AGAP1: variants seen among roughly 807,000 people sequenced by gnomAD.
The protein encoded by AGAP1 is ArfGAP with GTPase domain, ankyrin repeat and PH domain 1.
A neutral mutation model predicts 105.3 loss-of-function variants in AGAP1; 29 were observed. That is an observed-to-expected ratio of 0.28 (90% CI 0.21 to 0.38). AGAP1 has a LOEUF of 0.38. Ranked by LOEUF, AGAP1 falls within the 10% of genes least tolerant of loss-of-function variation. The probability of loss-of-function intolerance (pLI) is 1.00; values close to 1 mark genes in which losing one functional copy is unlikely to be tolerated. For missense variants in AGAP1, 998 were observed against 1,165.1 expected (o/e 0.86, Z 2.09); for synonymous variants, 509 against 485.9 (o/e 1.05, Z -0.63).
intron 9 of AGAP1, among the ~76,000 whole-genome samples, chr2:235,858,592 A>T (rs1014512286): frequency 2.0e-5 from 3 of 150,810 alleles, no homozygotes; most frequent in African/African-American, 7.4e-5. Flanking sequence ...GAGAGATGAT[A>T]AAAAAAAATA....
chr2:235,713,335 C>T (rs947809987), intron 2 of AGAP1, among the ~76,000 whole-genome samples: 2 of 152,164 alleles, frequency 1.3e-5, no homozygotes, highest in African/African-American at 4.8e-5. Flanking sequence ...AAAAGATGTA[C>T]GTCGGATTAG....
In AGAP1 at chr2:236,000,196, A is replaced by G. The variant is rs1297853794; in HGVS notation, c.1645+31573A>G. Among the ~76,000 whole-genome samples, 1 of 152,262 alleles carries G rather than the reference A, an allele frequency of 6.6e-6. No homozygotes were observed. The highest frequency in any genetic ancestry group is 6.5e-5 in the Admixed American group (1 of 15,300). On this transcript the variant is annotated intron_variant, in intron 13 of 17. Transcript: ENST00000304032. The surrounding 1 kb of genome is among the most constrained non-coding windows in gnomAD (Gnocchi z 4.3). ...TTGTTATTTTTGTCTTTCCAATTAC[A>G]CTAACTCCTCACTCAATGTCATTCA...
In AGAP1 at chr2:235,855,196, G is replaced by A. The variant is rs2048636123; in HGVS notation, c.1051-28149G>A. 6.6e-6 allele frequency among the ~76,000 whole-genome samples: 1 copy of A among 152,226 alleles called. No individual in the cohort carries two copies. The highest frequency in any genetic ancestry group is 1.5e-5 in the Non-Finnish European group (1 of 68,046). On this transcript the variant is annotated intron_variant, in intron 9 of 17. Transcript: ENST00000304032. The surrounding 1 kb of genome is among the most constrained non-coding windows in gnomAD (Gnocchi z 5.0). ...CCAGGTGGAAAATCGGCGTGGTGACGCATGTGCTGCCATCCCTTGGGGTGG... is the reference window on the plus strand; with the variant it reads ...CCAGGTGGAAAATCGGCGTGGTGACACATGTGCTGCCATCCCTTGGGGTGG...
chr2:236,013,171 C>T (rs2056576092), intron 13 of AGAP1, among the ~76,000 whole-genome samples: 1 of 152,168 alleles, frequency 6.6e-6, no homozygotes, highest in Non-Finnish European at 1.5e-5. Context: ...AATTTGCATC[C>T]TAAATATACA....
chr2:236,025,648 G>A (rs1381778400), intron 13 of AGAP1, among the ~76,000 whole-genome samples: 1 of 152,144 alleles, frequency 6.6e-6, no homozygotes, highest in Non-Finnish European at 1.5e-5. Flanking sequence ...ACCTAATAAA[G>A]TCACCAGAGC....
At chr2:235,947,282 T>C (rs1325228136) in intron 12 of AGAP1, among the ~76,000 whole-genome samples, 1 of 152,130 alleles carries the variant, frequency 6.6e-6, no homozygotes, top group Non-Finnish European at 1.5e-5. Context: ...CGCCTTTGCA[T>C]CCTCATAGCT....
intron 1 of AGAP1, among the ~76,000 whole-genome samples, chr2:235,667,907 G>A (rs1402287970): frequency 7.0e-6 from 1 of 143,470 alleles, no homozygotes; most frequent in Non-Finnish European, 1.5e-5. Context: ...TGCAGGAGCC[G>A]AGATCGTGCC....
At chr2:235,909,157 T>C (rs976674065) in intron 11 of AGAP1, among the ~76,000 whole-genome samples, 9 of 152,194 alleles carry the variant, frequency 5.9e-5, no homozygotes, top group Non-Finnish European at 2.9e-5. Context: ...CAGGGCTGCA[T>C]AGTGGAAAGT....
intron 9 of AGAP1, among the ~76,000 whole-genome samples, chr2:235,859,939 C>T (rs1455714626): frequency 1.3e-5 from 2 of 152,216 alleles, no homozygotes; most frequent in African/African-American, 2.4e-5. Flanking sequence ...TGTATGGCCA[C>T]TGCGAATGTC....
In AGAP1 at chr2:235,576,571, T is replaced by C. The variant is rs914021537; in HGVS notation, c.163+81722T>C. On this transcript the variant is annotated intron_variant, in intron 1 of 17. Coordinates refer to ENST00000304032, the MANE Select transcript of AGAP1 (RefSeq NM_001037131.3). ...TAAGAACTTTGTTGCAGGTATTGGT[T>C]GACTGCAGTGTTCCCAAGTGGTCGT... Among the ~76,000 whole-genome samples, 6 of 152,220 alleles carry C rather than the reference T, an allele frequency of 3.9e-5. 1 individual carries two copies. Among genetic ancestry groups the C allele is most frequent in the African/African-American group, 7.2e-5 (3 of 41,452 alleles).
intron 9 of AGAP1, among the ~76,000 whole-genome samples, chr2:235,815,248 T>C (rs1958385968): frequency 6.6e-6 from 1 of 152,108 alleles, no homozygotes; most frequent in Non-Finnish European, 1.5e-5. Context: ...AGTTGATCTC[T>C]CGGTTCTAGA....
At chr2:235,942,965 C>T (rs983049073) in intron 12 of AGAP1, among the ~76,000 whole-genome samples, 7 of 152,186 alleles carry the variant, frequency 4.6e-5, no homozygotes, top group African/African-American at 1.4e-4. Flanking sequence ...TAGTGGTGTG[C>T]GTCTATAGTC....
Position 235,891,692 on chromosome 2 carries a change from T to C in AGAP1, c.1155+8243T>C, listed in dbSNP as rs541472519. Among the ~76,000 whole-genome samples, 20 of 152,188 alleles carry C rather than the reference T, an allele frequency of 1.3e-4. No homozygotes were observed. The highest frequency in any genetic ancestry group is 4.6e-4 in the African/African-American group (19 of 41,512). ...AGTGGACCTGGAAGGATGAGCTGAGTGGCCTCACGGTCAAGCCAAGGACTT... is the reference window on the plus strand; with the variant it reads ...AGTGGACCTGGAAGGATGAGCTGAGCGGCCTCACGGTCAAGCCAAGGACTT... On this transcript the variant is annotated intron_variant, in intron 10 of 17. Coordinates refer to ENST00000304032, the MANE Select transcript of AGAP1 (RefSeq NM_001037131.3). The surrounding 1 kb of genome is among the most constrained non-coding windows in gnomAD (Gnocchi z 4.2).
At chr2:236,018,743 A>G (rs1469212279) in intron 13 of AGAP1, among the ~76,000 whole-genome samples, 1 of 152,182 alleles carries the variant, frequency 6.6e-6, no homozygotes, top group Non-Finnish European at 1.5e-5. Context: ...AGCCAGATTC[A>G]GTACTGGCCT....
chr2:235,533,749 A>G lies in AGAP1; in HGVS notation c.163+38900A>G, dbSNP rs139099458. On this transcript the variant is annotated intron_variant, in intron 1 of 17. Coordinates refer to ENST00000304032, the MANE Select transcript of AGAP1 (RefSeq NM_001037131.3). ...ATTTTCTCATGTGTGAGGAGCTGTT[A>G]CTGCTCCTGTCGCCTGGTTTCACCC... Among the ~76,000 whole-genome samples the G allele has an allele frequency of 2.2e-4, 34 of 152,356 alleles. No homozygotes were observed. The East Asian group carries it at 5.8e-3, about 26-fold the overall frequency.
At chr2:236,060,559 G>A (rs1415762969) in intron 16 of AGAP1, among the ~76,000 whole-genome samples, 1 of 152,054 alleles carries the variant, frequency 6.6e-6, no homozygotes, top group Non-Finnish European at 1.5e-5. Context: ...GTATGGTGAC[G>A]TGCACCTGTG....
At chr2:235,773,857 G>A (rs1026096757) in intron 6 of AGAP1, 22 of 438,170 alleles carry the variant, frequency 5.0e-5, no homozygotes, top group African/African-American at 8.4e-5. Flanking sequence ...AAAAAATCTC[G>A]AAAATATTGC....
At chr2:235,915,321 A>G (rs764901074) in intron 11 of AGAP1, among the ~76,000 whole-genome samples, 17 of 152,222 alleles carry the variant, frequency 1.1e-4, no homozygotes, top group Non-Finnish European at 8.8e-5. Flanking sequence ...TATAACTCCT[A>G]TCAACAGAAG....
In AGAP1 at chr2:235,777,837, G is replaced by A. The variant is rs1008585833; in HGVS notation, c.674-19922G>A. Among the ~76,000 whole-genome samples, 3 of 152,216 alleles carry A rather than the reference G, an allele frequency of 2.0e-5. No individual in the cohort carries two copies. The highest frequency in any genetic ancestry group is 7.2e-5 in the African/African-American group (3 of 41,454). On this transcript the variant is annotated intron_variant, in intron 6 of 17. Transcript: ENST00000304032. The surrounding 1 kb of genome is among the most constrained non-coding windows in gnomAD (Gnocchi z 5.1). ...CAGAGATAGAACAAATATGGCAAAG[G>A]ACTTGTATTTATTGGATATTAGTGG...
Sources: gnomAD v4.1 joint callset for allele counts (sites outside exome capture counted in the v4.1 genomes callset) on GRCh38, gnomAD v4.1.1 for gene constraint, Gnocchi (gnomAD v3.1) non-coding constraint, MANE v1.5 for transcripts, NCBI Gene and HGNC (gene_info 2026-07-23, HGNC 2026-07-21) for gene names.